Variants in POLR2F observed in about 807,000 individuals in gnomAD.
POLR2F encodes DNA-directed RNA polymerases I, II, and III subunit RPABC2.
In POLR2F, 12 loss-of-function variants were observed where a neutral mutation model predicts 22.7. The observed-to-expected ratio is 0.53, with a 90% confidence interval of 0.34 to 0.86. The LOEUF (loss-of-function observed/expected upper bound fraction) is 0.86, where lower values mean the gene tolerates loss of function less well. POLR2F is among the 40% of genes least tolerant of loss of function. The pLI is 0.02. For missense variants in POLR2F, 126 were observed against 171.5 expected (o/e 0.73, Z 1.48); for synonymous variants, 57 against 66.0 (o/e 0.86, Z 0.66).
At chr22:38,001,874 C>T (rs1478883977) in intron 1 of POLR2F, among the ~76,000 whole-genome samples, 1 of 151,970 alleles carries the variant, frequency 6.6e-6, no homozygotes, top group Non-Finnish European at 1.5e-5. Flanking sequence ...GGTGCCCAGA[C>T]TGGAGTGCAG....
At position 37,968,074 on chromosome 22, in the gene POLR2F, A is replaced by G. The variant is rs1290083385; in HGVS notation, c.*359A>G. 3.0e-6 allele frequency: 3 copies of G among 1,006,178 alleles called. No individual in the cohort carries two copies. Among genetic ancestry groups the G allele is most frequent in the Non-Finnish European group, 3.6e-6 (3 of 842,904 alleles). 62.3% of individuals were successfully genotyped at this position (1,006,178 alleles called of 1,614,324 possible). ...GGAGCTGGTTGCCACGGAAACCCCCAATTTCCTTTCCAGTGGGGACTGGCT... is the reference window on the plus strand; with the variant it reads ...GGAGCTGGTTGCCACGGAAACCCCCGATTTCCTTTCCAGTGGGGACTGGCT... On this transcript the variant is annotated 3_prime_UTR_variant, in exon 5 of 5. Transcript: ENST00000442738.
Position 37,986,829 on chromosome 22 carries a change from G to A in POLR2F, c.120+517G>A, listed in dbSNP as rs1191923277. ...CCCTCCATCCCATCCCAGGCCCTGG[G>A]AACCCAGTGCTCTCCAGCAGGCAAG... On this transcript the variant is annotated intron_variant, in intron 1 of 2. Transcript: ENST00000333418. The surrounding 1 kb of genome is among the most constrained non-coding windows in gnomAD (Gnocchi z 4.7). 1 of 457,462 alleles carries A rather than the reference G, an allele frequency of 2.2e-6. No homozygotes were observed. The highest frequency in any genetic ancestry group is 4.4e-6 in the Non-Finnish European group (1 of 227,782). The allele number at this position is 457,462 out of a possible 1,614,324, so 28.3% of individuals were successfully genotyped here.
At chr22:37,969,845 G>A (rs571081823), downstream of POLR2F, among the ~76,000 whole-genome samples, 190 of 151,768 alleles carry the variant, frequency 1.3e-3, no homozygotes, top group African/African-American at 4.5e-3. Context: ...TTTTTTTTTC[G>A]ATGGTTACTG....
At chr22:38,004,382 A>G (rs2084802178) in intron 1 of POLR2F, among the ~76,000 whole-genome samples, 1 of 152,102 alleles carries the variant, frequency 6.6e-6, no homozygotes, top group Admixed American at 6.5e-5. Context: ...CAAGTCAGGC[A>G]GTGGCTGGAG....
chr22:37,965,319 T>G (rs1264262087), intron 3 of POLR2F, among the ~76,000 whole-genome samples: 1 of 152,228 alleles, frequency 6.6e-6, no homozygotes, highest in Non-Finnish European at 1.5e-5. Flanking sequence ...AACAACTGTT[T>G]GTTGGGTAGG....
intron 1 of POLR2F, among the ~76,000 whole-genome samples, chr22:38,022,582 C>A (rs144014109): frequency 0.01 from 1,474 of 145,378 alleles, 26 homozygotes; most frequent in African/African-American, 0.036. Context: ...GAAAGAAAGA[C>A]AGAAAAGAAT....
At chr22:38,002,546 T>C (rs1037240327) in intron 1 of POLR2F, among the ~76,000 whole-genome samples, 1 of 146,280 alleles carries the variant, frequency 6.8e-6, no homozygotes, top group Admixed American at 6.8e-5. Flanking sequence ...CTAATTTTTG[T>C]ATTTCTAGTA....
intron 5 of POLR2F, among the ~76,000 whole-genome samples, chr22:38,035,998 C>T (rs2085112687): frequency 2.1e-5 from 3 of 143,206 alleles, no homozygotes; most frequent in South Asian, 4.4e-4. Flanking sequence ...TTTTTTGAGA[C>T]AGAGTCTCGA....
downstream of POLR2F, among the ~76,000 whole-genome samples, chr22:38,029,953 A>G (rs73417884): frequency 0.025 from 3,829 of 152,326 alleles, 154 homozygotes; most frequent in African/African-American, 0.087. Flanking sequence ...GTTAGGGGAA[A>G]GGCATTTTGG....
intron 5 of POLR2F, among the ~76,000 whole-genome samples, chr22:38,039,201 G>A (rs2085148072): frequency 6.6e-6 from 1 of 152,240 alleles, no homozygotes; most frequent in African/African-American, 2.4e-5. Flanking sequence ...CCACCCGTGG[G>A]AAGCACCAGA....
chr22:37,969,150 T>C lies in POLR2F; in HGVS notation c.*1435T>C. 7 of 985,270 alleles carry C rather than the reference T, an allele frequency of 7.1e-6. No homozygotes were observed. Among genetic ancestry groups the C allele is most frequent in the Non-Finnish European group, 8.4e-6 (7 of 829,872 alleles). The allele number at this position is 985,270 out of a possible 1,614,324, so 61.0% of individuals were successfully genotyped here. A position where few individuals can be genotyped will look rare whatever the true frequency, so the allele number is the denominator to read the frequency against. On this transcript the variant is annotated 3_prime_UTR_variant, in exon 5 of 5. Transcript: ENST00000442738. ...GGTTTGGGCTGGGGAGGAGGGGAAT[T>C]GGGGGTTAACCCTTAGGGGATAGAG...
intron 1 of POLR2F, among the ~76,000 whole-genome samples, chr22:38,002,087 T>C (rs540074128): frequency 1.3e-5 from 2 of 152,128 alleles, no homozygotes; most frequent in Non-Finnish European, 2.9e-5. Context: ...TGACCTCGGG[T>C]GATCCATCCA....
downstream of POLR2F, chr22:37,972,712 C>T (rs1351042107): frequency 1.9e-5 from 3 of 156,920 alleles, no homozygotes; most frequent in Non-Finnish European, 2.8e-5. Flanking sequence ...GCAAGGAGCC[C>T]AGGGAGGGAG....
At chr22:37,983,997 C>T, upstream of POLR2F, 1 of 333,692 alleles carries the variant, frequency 3.0e-6, no homozygotes, top group African/African-American at 2.2e-5. This position sits in a 1 kb window ranked among gnomAD's most constrained non-coding sequence, Gnocchi z 9.5. Context: ...GCCCCTGGGG[C>T]CCACGCACAT....
intron 1 of POLR2F, among the ~76,000 whole-genome samples, chr22:38,006,029 C>T (rs1176817744): frequency 2.0e-5 from 3 of 152,136 alleles, no homozygotes; most frequent in Admixed American, 2.0e-4. Flanking sequence ...TCAAGACCAG[C>T]CTGGGCAACC....
Position 38,016,732 on chromosome 22 carries a change from G to T in POLR2F, c.121-9137G>T, listed in dbSNP as rs1215682124. On this transcript the variant is annotated intron_variant, in intron 1 of 2. Transcript: ENST00000333418. This position sits in a 1 kb window ranked among gnomAD's most constrained non-coding sequence, Gnocchi z 4.4. ...TGGAAAGAGTGCTGGCACGCACCGCGGGGGGAGGGGGCGGGAGGGGGCCGC... is the reference window on the plus strand; with the variant it reads ...TGGAAAGAGTGCTGGCACGCACCGCTGGGGGAGGGGGCGGGAGGGGGCCGC... 3.3e-5 allele frequency among the ~76,000 whole-genome samples: 5 copies of T among 152,048 alleles called. No homozygotes were observed. The highest frequency in any genetic ancestry group is 1.5e-5 in the Non-Finnish European group (1 of 67,972).
chr22:38,003,568 A>G (rs1346130778), intron 1 of POLR2F, among the ~76,000 whole-genome samples: 1 of 149,132 alleles, frequency 6.7e-6, no homozygotes, highest in Non-Finnish European at 1.5e-5. Context: ...GTGGTGACAC[A>G]GTCAGCCTAT....
rs1425113355 is a variant in POLR2F, at chr22:37,967,865, C to T, written c.*150C>T. 7.8e-6 allele frequency: 11 copies of T among 1,411,424 alleles called. No homozygotes were observed. The highest frequency in any genetic ancestry group is 5.4e-5 in the East Asian group (2 of 37,292). 87.4% of individuals were successfully genotyped at this position (1,411,424 alleles called of 1,614,324 possible). Reference sequence around the variant, plus strand: ...TTGCTTCCCCGTTACCGCCATGCTGCGTGGAGCATGCACCTATTCCAGTGG... The same window carrying T: ...TTGCTTCCCCGTTACCGCCATGCTGTGTGGAGCATGCACCTATTCCAGTGG... On this transcript the variant is annotated 3_prime_UTR_variant, in exon 5 of 5. Transcript: ENST00000442738.
In POLR2F at chr22:37,959,335, T is replaced by C. The variant is rs748877178; in HGVS notation, c.91-11T>C. The C allele has an allele frequency of 1.9e-6, 3 of 1,612,690 alleles. No homozygotes were observed. The highest frequency in any genetic ancestry group is 2.5e-6 in the Non-Finnish European group (3 of 1,179,590). ...CCTGAGTCTTTCCCTCTTTTTTGTC[T>C]TGGTGTCCAGGAAGGCCAGGAGAAT... On this transcript the variant is annotated splice_polypyrimidine_tract_variant and intron_variant, in intron 2 of 4. Transcript: ENST00000442738.
Sources: allele counts gnomAD v4.1 joint callset (sites outside exome capture counted in the v4.1 genomes callset), GRCh38; gene constraint gnomAD v4.1.1; non-coding constraint Gnocchi (gnomAD v3.1); transcripts MANE v1.5; gene names NCBI Gene and HGNC (gene_info 2026-07-23, HGNC 2026-07-21).